Variants in TLN2 observed in about 807,000 individuals in gnomAD.
TLN2 encodes talin 2.
In TLN2, 118 loss-of-function variants were observed where a neutral mutation model predicts 294.7. That is an observed-to-expected ratio of 0.40 (90% CI 0.34 to 0.47). The LOEUF is 0.47. Among genes scored for constraint, TLN2 ranks in the 20% least tolerant of loss-of-function variants. The probability of loss-of-function intolerance (pLI) is 0.84; values close to 1 mark genes in which losing one functional copy is unlikely to be tolerated. For missense variants in TLN2, 3,083 were observed against 3,282.2 expected, an observed-to-expected ratio of 0.94 and a Z score of 1.48; for synonymous variants, 1,431 against 1,304.5, an observed-to-expected ratio of 1.10 and a Z score of -2.09.
At chr15:62,706,836 C>G (rs1304080529) in intron 19 of TLN2, among the ~76,000 whole-genome samples, 1 of 152,078 alleles carries the variant, frequency 6.6e-6, no homozygotes, top group Non-Finnish European at 1.5e-5. Context: ...AAATAATGAC[C>G]CTTCCCTCAA....
At chr15:62,710,065 A>G (rs1425212419) in intron 21 of TLN2, among the ~76,000 whole-genome samples, 1 of 152,192 alleles carries the variant, frequency 6.6e-6, no homozygotes, top group East Asian at 1.9e-4. Context: ...CTGTATGTTA[A>G]TCTTTTTAGT....
rs28671661 is a variant in TLN2 at position 62,787,206 on chromosome 15, C to A, written c.5736+3316C>A. Among the ~76,000 whole-genome samples, 877 of 152,252 alleles carry A rather than the reference C, an allele frequency of 5.8e-3. 13 individuals carry two copies. The highest frequency in any genetic ancestry group is 0.019 in the African/African-American group (792 of 41,552). Reference sequence around the variant, plus strand: ...CACCATGCCCAGCCACTTTTTTCTTCCATGTTTTCTATCTTTGTCAGATAA... The same window carrying A: ...CACCATGCCCAGCCACTTTTTTCTTACATGTTTTCTATCTTTGTCAGATAA... On this transcript the variant is annotated intron_variant, in intron 45 of 58. Transcript: ENST00000636159.
intron 1 of TLN2, among the ~76,000 whole-genome samples, chr15:62,503,656 G>A (rs560574881): frequency 3.3e-5 from 5 of 152,338 alleles, no homozygotes; most frequent in African/African-American, 1.2e-4. Context: ...TGGACCTCCT[G>A]CAGTATGCTT....
chr15:62,459,167 AT>A, intron 1 of TLN2, among the ~76,000 whole-genome samples: 1 of 151,762 alleles, frequency 6.6e-6, no homozygotes, highest in South Asian at 2.1e-4. Context: ...AGCCTGGCTA[AT>A]TTTTTGTATT....
chr15:62,738,713 G>T (rs913526003), intron 30 of TLN2, among the ~76,000 whole-genome samples: 1 of 152,142 alleles, frequency 6.6e-6, no homozygotes, highest in Non-Finnish European at 1.5e-5. Flanking sequence ...CTTGGGGCCT[G>T]TTCCCTTCCC....
Position 62,702,851 on chromosome 15 carries a change from A to C in TLN2, c.1991A>C (p.Asp664Ala). 6.2e-7 allele frequency: 1 copy of C among 1,614,184 alleles called. No individual in the cohort carries two copies. The highest frequency in any genetic ancestry group is 1.7e-5 in the Admixed American group (1 of 60,020). The change falls in exon 19 of 59, where the codon GAT (aspartate) becomes GCT (alanine). Residue 664 changes from aspartate to alanine, a missense_variant. Physicochemically the swap from Asp to Ala is moderately radical, Grantham distance 126. Coordinates refer to ENST00000636159, the MANE Select transcript of TLN2 (RefSeq NM_015059.3). Reference sequence around the variant, plus strand: ...AGACAGATTGGAGAGAATGAGACTGATGAGCGATTCCAGGTAAGATATTTG... The same window carrying C: ...AGACAGATTGGAGAGAATGAGACTGCTGAGCGATTCCAGGTAAGATATTTG... Reference protein sequence around the residue: ...LLRQIGENETDERFQDVLMSL... With the variant: ...LLRQIGENETAERFQDVLMSL...
Position 62,796,278 on chromosome 15 carries a change from C to A in TLN2, c.6035C>A (p.Thr2012Asn). The change falls in exon 47 of 59, where the codon ACC becomes AAC. Residue 2012 changes from threonine to asparagine, a missense_variant. Coordinates refer to ENST00000636159, the MANE Select transcript of TLN2 (RefSeq NM_015059.3). ...AGTLNAENSE[T>N]FADHRENILK... is the part of the protein sequence containing the mutation. ...ACGCTGAATGCAGAGAACAGTGAGA[C>A]CTTCGCAGACCACAGGTACGTGGGG... 1.2e-6 allele frequency: 2 copies of A among 1,613,744 alleles called. No individual in the cohort carries two copies. Among genetic ancestry groups the A allele is most frequent in the Non-Finnish European group, 1.7e-6 (2 of 1,179,794 alleles).
At chr15:62,779,554 CTAGT>C (rs2141075340) in intron 43 of TLN2, among the ~76,000 whole-genome samples, 1 of 152,346 alleles carries the variant, frequency 6.6e-6, no homozygotes, top group South Asian at 2.1e-4. Context: ...TGTCCTCAGA[CTAGT>C]TAAAGGTTCT....
rs576218266 is a variant in TLN2, at chr15:62,392,504, G to T, written c.-238+1819G>T. Among the ~76,000 whole-genome samples, 6 of 152,306 alleles carry T rather than the reference G, an allele frequency of 3.9e-5. No individual in the cohort carries two copies. In the South Asian group the frequency reaches 6.2e-4, roughly 16 times the overall value. On this transcript the variant is annotated intron_variant, in intron 1 of 58. Transcript: ENST00000636159. Reference sequence around the variant, plus strand: ...CGCTGACCTCCCTTCTCCAGAGCTTGGAGGCAGCGACCTCTCTGGAGTGAG... The same window carrying T: ...CGCTGACCTCCCTTCTCCAGAGCTTTGAGGCAGCGACCTCTCTGGAGTGAG...
chr15:62,523,684 GACACACATAGA>G (rs2040582767), intron 1 of TLN2, among the ~76,000 whole-genome samples: 1 of 152,142 alleles, frequency 6.6e-6, no homozygotes, highest in Non-Finnish European at 1.5e-5. Context: ...TGATCTAGTG[GACACACATAGA>G]ACACAGCTTT....
chr15:62,441,519 A>G lies in TLN2; in HGVS notation c.-238+50834A>G, dbSNP rs16945036. On this transcript the variant is annotated intron_variant, in intron 1 of 58. Transcript: ENST00000636159. Reference sequence around the variant, plus strand: ...TCCTACTCTCTTTCACAGTCACTCAACAATCCTGACTCCATTGTCTGTTGG... The same window carrying G: ...TCCTACTCTCTTTCACAGTCACTCAGCAATCCTGACTCCATTGTCTGTTGG... Among the ~76,000 whole-genome samples the G allele has an allele frequency of 6.7e-3, 1,015 of 152,346 alleles. 14 individuals carry two copies. The highest frequency in any genetic ancestry group is 0.021 in the African/African-American group (887 of 41,582).
At chr15:62,435,588 C>G (rs1441018904) in intron 1 of TLN2, among the ~76,000 whole-genome samples, 1 of 152,172 alleles carries the variant, frequency 6.6e-6, no homozygotes, top group African/African-American at 2.4e-5. Flanking sequence ...GTCACCCAGG[C>G]TGGAGTGCGA....
At chr15:62,467,035 C>T (rs745588221) in intron 1 of TLN2, among the ~76,000 whole-genome samples, 1 of 152,218 alleles carries the variant, frequency 6.6e-6, no homozygotes, top group South Asian at 2.1e-4. Flanking sequence ...AGGACACTCA[C>T]CAAACTAAAC....
At chr15:62,664,875 A>AAAAAAAAAAAAAAAAAAAAG (rs1555462003) in intron 9 of TLN2, among the ~76,000 whole-genome samples, 34 of 146,550 alleles carry the variant, frequency 2.3e-4, no homozygotes, top group African/African-American at 9.1e-4. Context: ...AAAAAAAAAA[A>AAAAAAAAAAAAAAAAAAAAG]AAAGTGGCTA....
chr15:62,663,070 C>T (rs2054083840), intron 9 of TLN2, among the ~76,000 whole-genome samples: 1 of 152,062 alleles, frequency 6.6e-6, no homozygotes, highest in African/African-American at 2.4e-5. Flanking sequence ...CTGCCTCGGC[C>T]TCCCAAAGTG....
At chr15:62,559,693 T>A (rs1167575230) in intron 1 of TLN2, among the ~76,000 whole-genome samples, 1 of 152,174 alleles carries the variant, frequency 6.6e-6, no homozygotes, top group Non-Finnish European at 1.5e-5. Flanking sequence ...TTCATACCAA[T>A]TTGGTAAACA....
At chr15:62,799,899 T>C (rs1182863045) in intron 48 of TLN2, among the ~76,000 whole-genome samples, 1 of 152,176 alleles carries the variant, frequency 6.6e-6, no homozygotes, top group Non-Finnish European at 1.5e-5. Flanking sequence ...AGATTTCCCA[T>C]GGAGAAGAAG....
At chr15:62,806,566 T>C (rs986749057) in intron 51 of TLN2, among the ~76,000 whole-genome samples, 2 of 152,206 alleles carry the variant, frequency 1.3e-5, no homozygotes, top group Admixed American at 1.3e-4. Context: ...TCACAGTCTG[T>C]GCTAGACATC....
chr15:62,702,070 A>C lies in TLN2; in HGVS notation c.1775A>C (p.Lys592Thr). 1 of 1,614,236 alleles carries C rather than the reference A, an allele frequency of 6.2e-7. No individual in the cohort carries two copies. Among genetic ancestry groups the C allele is most frequent in the Non-Finnish European group, 8.5e-7 (1 of 1,180,050 alleles). ...TCTTCCAACCTGACGGAGATGTCCA[A>C]GGGTGTGAAGCTATTGGCCGCCCTC... Reference protein sequence around the residue: ...TISSNLTEMSKGVKLLAALMD... With the variant: ...TISSNLTEMSTGVKLLAALMD... Residue 592 changes from lysine (K) to threonine (T), a missense_variant, in exon 18 of 59, where the codon AAG becomes ACG. Lys to Thr is a moderately conservative substitution (Grantham distance 78, BLOSUM62 -1). Coordinates refer to ENST00000636159, the MANE Select transcript of TLN2 (RefSeq NM_015059.3).
Sources: allele counts gnomAD v4.1 joint callset (sites outside exome capture counted in the v4.1 genomes callset), GRCh38; gene constraint gnomAD v4.1.1; transcripts MANE v1.5; gene names NCBI Gene and HGNC (gene_info 2026-07-23, HGNC 2026-07-21).